Variants in WDR27 observed in about 807,000 individuals in gnomAD.
The protein encoded by WDR27 is WD repeat-containing protein 27.
In WDR27, 100 loss-of-function variants were observed where a neutral mutation model predicts 114.4. The ratio of observed to expected loss-of-function variants is 0.87; its 90% CI spans 0.74 to 1.03. The LOEUF (loss-of-function observed/expected upper bound fraction) is 1.03. WDR27 is among the 50% of genes least tolerant of loss of function. The pLI is 0.00. For missense variants in WDR27, 1,129 were observed against 1,092.9 expected, an observed-to-expected ratio of 1.03 and a Z score of -0.47; for synonymous variants, 449 against 423.1, an observed-to-expected ratio of 1.06 and a Z score of -0.75.
chr6:169,545,724 T>C (rs575444047), intron 25 of WDR27, among the ~76,000 whole-genome samples: 3 of 152,014 alleles, frequency 2.0e-5, no homozygotes, highest in Non-Finnish European at 4.4e-5. Context: ...GTCAAGAGGA[T>C]AAAAAGGTGA....
chr6:169,676,954 CT>C (rs1233520797), intron 2 of WDR27, among the ~76,000 whole-genome samples: 46 of 152,310 alleles, frequency 3.0e-4, no homozygotes, highest in African/African-American at 1.1e-3. Flanking sequence ...TCGTAGTTGA[CT>C]CAGAATAAAT....
chr6:169,626,898 C>A (rs1282834770), intron 21 of WDR27, among the ~76,000 whole-genome samples: 3 of 152,366 alleles, frequency 2.0e-5, no homozygotes, highest in Non-Finnish European at 2.9e-5. Flanking sequence ...AACAGCACCA[C>A]TGGGCAGTGC....
intron 24 of WDR27, among the ~76,000 whole-genome samples, chr6:169,573,372 T>C (rs1801758603): frequency 6.6e-6 from 1 of 152,210 alleles, no homozygotes; most frequent in Non-Finnish European, 1.5e-5. Context: ...AATCCTCTTT[T>C]ATTTCATTAC....
intron 25 of WDR27, among the ~76,000 whole-genome samples, chr6:169,483,740 C>A (rs1390977096): frequency 6.6e-6 from 1 of 151,632 alleles, no homozygotes; most frequent in Non-Finnish European, 1.5e-5. Context: ...AAACTTCAGG[C>A]CAATATCGTT....
chr6:169,689,874 C>T (rs1317094789), intron 1 of WDR27, among the ~76,000 whole-genome samples: 1 of 150,898 alleles, frequency 6.6e-6, no homozygotes, highest in Non-Finnish European at 1.5e-5. Flanking sequence ...GAGGCCCTCA[C>T]ACTGGTCACG....
intron 25 of WDR27, among the ~76,000 whole-genome samples, chr6:169,470,217 C>T (rs1317123515): frequency 6.6e-6 from 1 of 152,160 alleles, no homozygotes; most frequent in African/African-American, 2.4e-5. Context: ...CCTGTTTTTA[C>T]CCATATTCTG....
chr6:169,450,346 C>T, the WDR27 span, among the ~76,000 whole-genome samples: 1 of 152,202 alleles, frequency 6.6e-6, no homozygotes, highest in African/African-American at 2.4e-5. Flanking sequence ...CCTTTGTTCA[C>T]TGCTGCTTCC....
intron 25 of WDR27, chr6:169,559,806 C>T (rs1799438228): frequency 6.6e-6 from 1 of 152,190 alleles, no homozygotes. Flanking sequence ...CGTAGGTGGG[C>T]ACCATGCCAA....
chr6:169,454,628 AC>A (rs1308661161), downstream of WDR27, among the ~76,000 whole-genome samples: 15 of 151,806 alleles, frequency 9.9e-5, no homozygotes, highest in Admixed American at 2.0e-4. Context: ...TGTTCAGACC[AC>A]CCCCCTTGGT....
chr6:169,640,702 C>T (rs1818931719), intron 17 of WDR27, among the ~76,000 whole-genome samples: 1 of 152,238 alleles, frequency 6.6e-6, no homozygotes, highest in Admixed American at 6.5e-5. Flanking sequence ...GCCATAAGGG[C>T]GTCCTCCCAG....
At chr6:169,590,913 C>G (rs879517052) in intron 23 of WDR27, among the ~76,000 whole-genome samples, 3 of 152,192 alleles carry the variant, frequency 2.0e-5, no homozygotes, top group Non-Finnish European at 4.4e-5. Context: ...TACTTCCACA[C>G]TGTGGATACT....
At chr6:169,429,931 G>A in the WDR27 span, among the ~76,000 whole-genome samples, 14 of 152,240 alleles carry the variant, frequency 9.2e-5, no homozygotes, top group East Asian at 1.9e-4. Context: ...TTGCCACGGT[G>A]TGGTATGGGT....
In WDR27 at chr6:169,667,321, G is replaced by A. The variant is rs571831303; in HGVS notation, c.661-134C>T. 2.3e-5 allele frequency: 29 copies of A among 1,240,062 alleles called. No homozygotes were observed. In the South Asian group the frequency reaches 9.5e-4, roughly 41 times the overall value. The allele number at this position is 1,240,062 out of a possible 1,614,324, so 76.8% of individuals were successfully genotyped here. A position where few individuals can be genotyped will look rare whatever the true frequency, so the allele number is the denominator to read the frequency against. Reference sequence around the variant, plus strand: ...TCTAAAACAGAAAACAATAAAATGAGCACAAAAATAATAAAAATGTAGTAA... The same window carrying A: ...TCTAAAACAGAAAACAATAAAATGAACACAAAAATAATAAAAATGTAGTAA... On this transcript the variant is annotated intron_variant, in intron 5 of 25. Coordinates refer to ENST00000448612, the MANE Select transcript of WDR27 (RefSeq NM_182552.5).
intron 25 of WDR27, among the ~76,000 whole-genome samples, chr6:169,551,578 T>C (rs1199010040): frequency 6.6e-6 from 1 of 151,278 alleles, no homozygotes; most frequent in East Asian, 1.9e-4. Flanking sequence ...CTACTAAAAA[T>C]ACAAAAAAAT....
intron 21 of WDR27, 77 bp downstream of exon 21, chr6:169,632,870 A>G: frequency 4.5e-6 from 6 of 1,329,260 alleles, no homozygotes; most frequent in Non-Finnish European, 6.0e-6. Context: ...ATAAAATGGC[A>G]TCATACATTT....
Position 169,617,384 on chromosome 6 carries a change from C to CT in WDR27, c.2224-3729dup, listed in dbSNP as rs748048759. 2.4e-4 allele frequency among the ~76,000 whole-genome samples: 36 copies of CT among 151,998 alleles called. No individual in the cohort carries two copies. The East Asian group carries it at 4.5e-3, about 19-fold the overall frequency. On this transcript the variant is annotated intron_variant, in intron 21 of 25. Coordinates refer to ENST00000448612, the MANE Select transcript of WDR27 (RefSeq NM_182552.5). The stretch of plus-strand genomic sequence containing the variant: ...GGAAGGCTGGTTGCCCCACCCTAAT[C>CT]TTTTTTTTGAGACCGAGTTTCACTC...
At chr6:169,428,051 A>T in the WDR27 span, among the ~76,000 whole-genome samples, 1 of 152,190 alleles carries the variant, frequency 6.6e-6, no homozygotes, top group South Asian at 2.1e-4. Context: ...TCCCGTCTCC[A>T]CTTTCAATCT....
intron 23 of WDR27, among the ~76,000 whole-genome samples, chr6:169,583,512 TACACACACACAC>T (rs145440232): frequency 2.6e-5 from 1 of 38,858 alleles, no homozygotes; most frequent in Non-Finnish European, 1.2e-4. Context: ...TATGTATATA[TACACACACACAC>T]ACACACACAC....
chr6:169,498,477 G>C (rs1265862089), intron 25 of WDR27, among the ~76,000 whole-genome samples: 1 of 152,064 alleles, frequency 6.6e-6, no homozygotes, highest in Admixed American at 6.6e-5. Context: ...TAAAAAAATG[G>C]AAGAAAAAAT....
Sources: allele counts gnomAD v4.1 joint callset (sites outside exome capture counted in the v4.1 genomes callset), GRCh38; gene constraint gnomAD v4.1.1; transcripts MANE v1.5; gene names NCBI Gene and HGNC (gene_info 2026-07-23, HGNC 2026-07-21).